Variants in FAM117B observed in about 807,000 individuals in gnomAD.
The protein encoded by FAM117B is family with sequence similarity 117 member B, also known as protein FAM117B.
FAM117B carries 22 observed loss-of-function variants against 52.8 expected under a neutral mutation model. The observed-to-expected ratio is 0.42, with a 90% CI of 0.30 to 0.59. The LOEUF (loss-of-function observed/expected upper bound fraction) is 0.59, where lower values mean the gene tolerates loss of function less well. FAM117B is among the 20% of genes least tolerant of loss of function. The probability of loss-of-function intolerance (pLI) is 0.22; values close to 1 mark genes in which losing one functional copy is unlikely to be tolerated. For synonymous variants in FAM117B, 309 were observed against 324.1 expected (o/e 0.95, Z 0.50); for missense variants, 678 against 802.6 (o/e 0.84, Z 1.88).
chr2:202,675,869 C>T (rs950735607), intron 1 of FAM117B, among the ~76,000 whole-genome samples: 5 of 151,396 alleles, frequency 3.3e-5, no homozygotes, highest in African/African-American at 1.2e-4. Context: ...CCCGTAATCC[C>T]AGCTACTCGG....
rs34821844 is a variant in FAM117B, at chr2:202,756,801, G to GA, written c.1105-406dup. 8.5e-4 allele frequency among the ~76,000 whole-genome samples: 129 copies of GA among 152,174 alleles called. 1 individual carries two copies. The highest frequency in any genetic ancestry group is 2.9e-3 in the African/African-American group (120 of 41,510). On this transcript the variant is annotated intron_variant, in intron 5 of 7. Coordinates refer to ENST00000392238, the MANE Select transcript of FAM117B (RefSeq NM_173511.4). ...TTCCCCCATTTAGGAAGGTTGACTT[G>GA]AAAAAATCCTTTCAGGGCGTGGCAT...
chr2:202,714,063 AC>A (rs1387926863), intron 2 of FAM117B, among the ~76,000 whole-genome samples: 28 of 151,890 alleles, frequency 1.8e-4, no homozygotes, highest in Admixed American at 2.6e-4. Context: ...TTCTTCATTG[AC>A]CCATTGGTCA....
chr2:202,685,454 A>G (rs917653798), intron 1 of FAM117B, among the ~76,000 whole-genome samples: 4 of 152,178 alleles, frequency 2.6e-5, no homozygotes, highest in African/African-American at 9.7e-5. Flanking sequence ...TTTTTTCTTC[A>G]TAAGATCAAG....
chr2:202,759,265 G>T lies in FAM117B; in HGVS notation c.1363G>T (p.Ala455Ser). ...GAACAATTCTCCTTTGCCCAAATAT[G>T]CAACCTCACCAAAACCTAACAACAG... ...NGNNSPLPKYATSPKPNNSYM... is the reference protein window; with the variant it reads ...NGNNSPLPKYSTSPKPNNSYM... The change falls in exon 7 of 8, where the codon GCA becomes TCA. Residue 455 changes from alanine (A) to serine (S), a missense_variant. By Grantham distance (99) the Ala-to-Ser change is moderately conservative. This residue lies in a region of FAM117B where 583 missense variants were observed against 644.8 expected (regional missense o/e 0.90). Transcript: ENST00000392238. 6.2e-7 allele frequency: 1 copy of T among 1,614,048 alleles called. No homozygotes were observed. The highest frequency in any genetic ancestry group is 8.5e-7 in the Non-Finnish European group (1 of 1,180,016).
At chr2:202,697,960 C>T (rs1344250240) in intron 2 of FAM117B, among the ~76,000 whole-genome samples, 1 of 152,222 alleles carries the variant, frequency 6.6e-6, no homozygotes, top group African/African-American at 2.4e-5. Context: ...ACCTCCACCT[C>T]CCGGGTTCTA....
intron 1 of FAM117B, among the ~76,000 whole-genome samples, chr2:202,690,702 A>AG (rs1690607654): frequency 6.6e-6 from 1 of 152,262 alleles, no homozygotes. Context: ...GTCTTAGTGT[A>AG]GGGATCAAGG....
intron 7 of FAM117B, among the ~76,000 whole-genome samples, chr2:202,760,007 C>G (rs970098202): frequency 6.6e-5 from 10 of 152,172 alleles, no homozygotes; most frequent in Non-Finnish European, 1.0e-4. Flanking sequence ...AGCCTATTAT[C>G]AGCATTTTTA....
At chr2:202,713,826 C>T (rs1171428260) in intron 2 of FAM117B, among the ~76,000 whole-genome samples, 1 of 152,168 alleles carries the variant, frequency 6.6e-6, no homozygotes, top group Admixed American at 6.5e-5. Flanking sequence ...CTTGCCTCAG[C>T]CTCCCAAGTA....
chr2:202,636,264 C>T (rs1203221294), intron 1 of FAM117B, among the ~76,000 whole-genome samples: 1 of 152,216 alleles, frequency 6.6e-6, no homozygotes, highest in African/African-American at 2.4e-5. Context: ...GTACTGAATG[C>T]ATTAGCAGTG....
At chr2:202,755,858 G>A (rs1207312438) in intron 5 of FAM117B, among the ~76,000 whole-genome samples, 177 bp downstream of exon 5, 1 of 152,166 alleles carries the variant, frequency 6.6e-6, no homozygotes, top group Non-Finnish European at 1.5e-5. Context: ...TTTGTTGCAT[G>A]TCATAGAGGC....
chr2:202,645,232 C>T (rs1198228236), intron 1 of FAM117B, among the ~76,000 whole-genome samples: 2 of 151,478 alleles, frequency 1.3e-5, no homozygotes, highest in Admixed American at 6.6e-5. Context: ...TTGCCTTGGC[C>T]TCCCAAAGTG....
chr2:202,648,543 A>T (rs1427208753), intron 1 of FAM117B, among the ~76,000 whole-genome samples: 4 of 109,166 alleles, frequency 3.7e-5, no homozygotes, highest in African/African-American at 6.2e-5. Flanking sequence ...CAAAAAATAC[A>T]TATATATATA....
chr2:202,673,274 G>A lies in FAM117B; in HGVS notation c.602-22607G>A, dbSNP rs1238817927. On this transcript the variant is annotated intron_variant, in intron 1 of 7. Transcript: ENST00000392238. ...GAGTGTTTACAAACTGAAGCAGTGT[G>A]AACTTTGGTTGTAGCTGGCTGATTT... is the stretch of plus-strand genomic sequence containing the variant. 3.9e-5 allele frequency among the ~76,000 whole-genome samples: 6 copies of A among 151,988 alleles called. No homozygotes were observed. In the East Asian group the frequency reaches 1.2e-3, roughly 29 times the overall value.
At chr2:202,676,402 G>A (rs1690380106) in intron 1 of FAM117B, among the ~76,000 whole-genome samples, 1 of 148,328 alleles carries the variant, frequency 6.7e-6, no homozygotes, top group African/African-American at 2.5e-5. Context: ...CTTTTGAGAT[G>A]GAGTTTCGCT....
chr2:202,759,085 TG>T (rs1691843409), intron 6 of FAM117B, 147 bp from the exon 7 acceptor site: 1 of 790,238 alleles, frequency 1.3e-6, no homozygotes, highest in Non-Finnish European at 2.0e-6. Context: ...TATTTGTGTG[TG>T]CATTTATTTA....
chr2:202,709,450 C>G (rs944830168), intron 2 of FAM117B, among the ~76,000 whole-genome samples: 4 of 152,214 alleles, frequency 2.6e-5, no homozygotes, highest in Non-Finnish European at 2.9e-5. Context: ...GATCTGCCCC[C>G]CTCTGCCTCC....
Position 202,757,344 on chromosome 2 carries a change from C to G in FAM117B, c.1236C>G (p.Ser412=). Residue 412 remains serine (S), a synonymous_variant, in exon 6 of 8, where the codon TCC becomes TCG. Coordinates refer to ENST00000392238, the MANE Select transcript of FAM117B (RefSeq NM_173511.4). ...GCAACAACAGCAGCCGTTCCCAGTC[C>G]GTGTCCCCAACATCGTTCCTCACCA... ...RGSNNSSRSQ[S]VSPTSFLTIS... 6.2e-7 allele frequency: 1 copy of G among 1,614,110 alleles called. No homozygotes were observed. The highest frequency in any genetic ancestry group is 8.5e-7 in the Non-Finnish European group (1 of 1,180,028).
At chr2:202,764,459 G>A (rs920207235) in intron 7 of FAM117B, among the ~76,000 whole-genome samples, 4 of 151,470 alleles carry the variant, frequency 2.6e-5, no homozygotes, top group Non-Finnish European at 5.9e-5. Flanking sequence ...TTATAAAGAC[G>A]AGGTCTCACT....
Position 202,635,702 on chromosome 2 carries a change from C to T in FAM117B, c.515C>T (p.Ala172Val). ...GAGGTGAGCGCGGCCCCACCCCCAG[C>T]CCGCGTCCGGCATCGGAGGAGGTCT... ...TGEVSAAPPP[A>V]RVRHRRRSPE... Residue 172 changes from alanine (A) to valine (V), a missense_variant, in exon 1 of 8, where the codon GCC becomes GTC. By Grantham distance (64) the Ala-to-Val change is moderately conservative. Around this residue, in one of 3 missense-constraint regions of FAM117B, gnomAD observed 583 missense variants for 644.8 expected, o/e 0.90. Coordinates refer to ENST00000392238, the MANE Select transcript of FAM117B (RefSeq NM_173511.4). 2 of 1,431,976 alleles carry T rather than the reference C, an allele frequency of 1.4e-6. No homozygotes were observed. The highest frequency in any genetic ancestry group is 1.4e-5 in the South Asian group (1 of 73,008). The allele number at this position is 1,431,976 out of a possible 1,614,324, so 88.7% of individuals were successfully genotyped here. A position where few individuals can be genotyped will look rare whatever the true frequency, so the allele number is the denominator to read the frequency against.
Sources: gnomAD v4.1 joint callset for allele counts (sites outside exome capture counted in the v4.1 genomes callset) on GRCh38, gnomAD v4.1.1 for gene constraint, gnomAD v4.1.1 regional missense constraint, MANE v1.5 for transcripts, NCBI Gene and HGNC (gene_info 2026-07-23, HGNC 2026-07-21) for gene names.